Variants in DSCAM observed in about 807,000 individuals in gnomAD.
The protein encoded by DSCAM is cell adhesion molecule DSCAM.
Under a neutral mutation model 217.7 loss-of-function variants are expected in DSCAM, and 47 were observed. The observed-to-expected ratio is 0.22, with a 90% CI of 0.17 to 0.28. The LOEUF is 0.28. Ranked by LOEUF, DSCAM falls within the 10% of genes least tolerant of loss-of-function variation. DSCAM has a pLI of 1.00. For missense variants in DSCAM, 2,080 were observed against 2,618.3 expected (o/e 0.79, Z 4.49); for synonymous variants, 1,056 against 1,015.3 (o/e 1.04, Z -0.76).
intron 1 of DSCAM, among the ~76,000 whole-genome samples, chr21:40,766,856 T>C (rs1436424541): frequency 6.6e-6 from 1 of 151,976 alleles, no homozygotes; most frequent in Non-Finnish European, 1.5e-5. Flanking sequence ...TGCCTAATTT[T>C]TATATTTTTA....
intron 20 of DSCAM, among the ~76,000 whole-genome samples, chr21:40,106,164 C>A (rs187915914): frequency 6.6e-6 from 1 of 152,206 alleles, no homozygotes; most frequent in East Asian, 1.9e-4. Flanking sequence ...AGGGGAACTG[C>A]TCTTTATAAA....
chr21:40,369,385 C>CATGTGT (rs1555910396), intron 3 of DSCAM, 140 bp from the exon 4 acceptor site: 6 of 385,400 alleles, frequency 1.6e-5, no homozygotes, highest in East Asian at 1.4e-4. Flanking sequence ...CGTGCGTCTG[C>CATGTGT]GTGTGTGTGT....
rs141507048 is a variant in DSCAM at position 40,055,738 on chromosome 21, C to T, written c.5022G>A (p.Thr1674=). 1.2e-5 allele frequency: 19 copies of T among 1,612,542 alleles called. No homozygotes were observed. Among genetic ancestry groups the T allele is most frequent in the Middle Eastern group, 1.7e-4 (1 of 6,054 alleles). ...AGGGCAGCTTACCAATGGTCTCCATCGTGTCTCTCTCTTCAATCAAAAGCT... is the reference window on the plus strand; with the variant it reads ...AGGGCAGCTTACCAATGGTCTCCATTGTGTCTCTCTCTTCAATCAAAAGCT... ...RAQLLIEERD[T]METIDDRSTV... is the part of the protein sequence containing the mutation. Residue 1674 remains threonine (T), a synonymous_variant, in exon 29 of 33, where the codon ACG becomes ACA. Transcript: ENST00000400454.
At chr21:40,449,541 G>A (rs945043814) in intron 3 of DSCAM, among the ~76,000 whole-genome samples, 1 of 152,112 alleles carries the variant, frequency 6.6e-6, no homozygotes, top group African/African-American at 2.4e-5. Context: ...ATGTTGATGT[G>A]TGACCAAAAA....
chr21:40,316,526 A>G (rs74852652), intron 8 of DSCAM, among the ~76,000 whole-genome samples: 2 of 152,316 alleles, frequency 1.3e-5, no homozygotes, highest in East Asian at 3.9e-4. Context: ...TGAACCTCCT[A>G]TTTGAGACAC....
chr21:40,429,253 G>A (rs1466669965), intron 3 of DSCAM, among the ~76,000 whole-genome samples: 1 of 149,976 alleles, frequency 6.7e-6, no homozygotes. Context: ...AGGCAGTATT[G>A]TATCAAGTTT....
At chr21:40,744,759 A>G (rs12482815) in intron 1 of DSCAM, among the ~76,000 whole-genome samples, 45,032 of 152,060 alleles carry the variant, frequency 0.3, 7,779 homozygotes, top group East Asian at 0.41. Context: ...AACAACAAAA[A>G]CAATCTCAGG....
rs376392154 is a variant in DSCAM, at chr21:40,078,333, T to G, written c.4711+354A>C. On this transcript the variant is annotated intron_variant, in intron 26 of 32. Transcript: ENST00000400454. ...AGTTGTTATGTGGATTGGGATGAGG[T>G]GGGGAAAGGGGTGGGAGACAACAAA... Among the ~76,000 whole-genome samples, 27 of 151,926 alleles carry G rather than the reference T, an allele frequency of 1.8e-4. No homozygotes were observed. In the East Asian group the frequency reaches 4.7e-3, roughly 26 times the overall value.
At chr21:40,152,133 A>AG (rs2090429624) in intron 16 of DSCAM, among the ~76,000 whole-genome samples, 1 of 151,948 alleles carries the variant, frequency 6.6e-6, no homozygotes, top group South Asian at 2.1e-4. Flanking sequence ...AAAAACACAA[A>AG]AAAAACAAAA....
At chr21:40,451,232 T>C (rs1010171880) in intron 3 of DSCAM, among the ~76,000 whole-genome samples, 7 of 152,184 alleles carry the variant, frequency 4.6e-5, no homozygotes, top group Non-Finnish European at 4.4e-5. Flanking sequence ...AGAAGGCCAG[T>C]CTCCAGCATT....
At chr21:40,830,801 C>G (rs1341437907) in intron 1 of DSCAM, among the ~76,000 whole-genome samples, 2 of 152,224 alleles carry the variant, frequency 1.3e-5, no homozygotes, top group African/African-American at 4.8e-5. Flanking sequence ...TTAGCAATTA[C>G]TATAAACAGG....
At chr21:40,065,006 A>G (rs1269524967) in intron 27 of DSCAM, among the ~76,000 whole-genome samples, 1 of 152,116 alleles carries the variant, frequency 6.6e-6, no homozygotes, top group Non-Finnish European at 1.5e-5. Flanking sequence ...CCTTAGTCCA[A>G]GTGAGAGGCT....
At chr21:40,386,464 G>T (rs905492193) in intron 3 of DSCAM, among the ~76,000 whole-genome samples, 1 of 152,148 alleles carries the variant, frequency 6.6e-6, no homozygotes, top group South Asian at 2.1e-4. Flanking sequence ...CGCCGCCCAC[G>T]CCGGGCCGCT....
intron 1 of DSCAM, among the ~76,000 whole-genome samples, chr21:40,826,342 G>T (rs886589406): frequency 2.6e-5 from 4 of 152,198 alleles, no homozygotes; most frequent in Non-Finnish European, 4.4e-5. Context: ...AAACATCCAG[G>T]TGGCCAGCAT....
chr21:40,512,214 A>G (rs895698573), intron 3 of DSCAM, among the ~76,000 whole-genome samples: 1 of 152,040 alleles, frequency 6.6e-6, no homozygotes, highest in African/African-American at 2.4e-5. Flanking sequence ...TCCCTTGCCC[A>G]TCTTATCCTG....
chr21:40,176,640 T>A (rs2090735366), intron 15 of DSCAM, among the ~76,000 whole-genome samples: 1 of 150,992 alleles, frequency 6.6e-6, no homozygotes, highest in African/African-American at 2.5e-5. Context: ...AGACAAGTTA[T>A]CTGCTGTAGC....
intron 32 of DSCAM, among the ~76,000 whole-genome samples, chr21:40,033,222 G>A (rs966637586): frequency 1.5e-4 from 23 of 152,212 alleles, no homozygotes; most frequent in African/African-American, 4.8e-4. Flanking sequence ...CAGCCTGAGC[G>A]ACGCAGAAGA....
At chr21:40,305,315 G>A (rs185767593) in intron 9 of DSCAM, among the ~76,000 whole-genome samples, 34 of 149,670 alleles carry the variant, frequency 2.3e-4, no homozygotes, top group African/African-American at 6.5e-4. Context: ...GTGTGAACCC[G>A]GAAGGTAGAG....
rs1555875013 is a variant in DSCAM at position 40,637,632 on chromosome 21, A to AATATATATCT, written c.508+55177_508+55178insAGATATATAT. Among the ~76,000 whole-genome samples, 51 of 42,220 alleles carry AATATATATCT rather than the reference A, an allele frequency of 1.2e-3. 1 individual carries two copies. Among genetic ancestry groups the AATATATATCT allele is most frequent in the South Asian group, 2.5e-3 (3 of 1,216 alleles). 27.7% of individuals were successfully genotyped at this position (42,220 alleles called of 152,430 possible). A position where few individuals can be genotyped will look rare whatever the true frequency, so the allele number is the denominator to read the frequency against. Reference sequence around the variant, plus strand: ...ATATATATAAATATATACATATATAAATATATATAAATATATATCTATATA... The same window carrying AATATATATCT: ...ATATATATAAATATATACATATATAAATATATATCTATATATATAAATATATATCTATATA... On this transcript the variant is annotated intron_variant, in intron 3 of 32. Coordinates refer to ENST00000400454, the MANE Select transcript of DSCAM (RefSeq NM_001389.5).
Sources: allele counts gnomAD v4.1 joint callset (sites outside exome capture counted in the v4.1 genomes callset), GRCh38; gene constraint gnomAD v4.1.1; transcripts MANE v1.5; gene names NCBI Gene and HGNC (gene_info 2026-07-23, HGNC 2026-07-21).